ELP4: variants seen among roughly 807,000 people sequenced by gnomAD.
ELP4 encodes elongator acetyltransferase complex subunit 4.
In ELP4, 51 loss-of-function variants were observed where a neutral mutation model predicts 48.9. The observed-to-expected ratio is 1.04, with a 90% CI of 0.83 to 1.32. The LOEUF is 1.32. Among genes scored for constraint, ELP4 ranks in the 40% most tolerant of loss-of-function variants. The probability of loss-of-function intolerance (pLI) is 0.00; values close to 1 mark genes in which losing one functional copy is unlikely to be tolerated. For missense variants in ELP4, 519 were observed against 514.6 expected, an observed-to-expected ratio of 1.01 and a Z score of -0.08; for synonymous variants, 210 against 189.2, an observed-to-expected ratio of 1.11 and a Z score of -0.90.
At chr11:31,609,074 C>T (rs1396484875) in intron 5 of ELP4, among the ~76,000 whole-genome samples, 1 of 152,090 alleles carries the variant, frequency 6.6e-6, no homozygotes, top group Non-Finnish European at 1.5e-5. Context: ...ATCAGACTTC[C>T]AGTGACTGCT....
chr11:31,790,113 A>C lies in ELP4; in HGVS notation c.*6589A>C, dbSNP rs1374109228. ...ATAGGTTTACAAAAAAAAAAAAAAA[A>C]AAAAAAACTAATACTTTCTAACATT... is the stretch of plus-strand genomic sequence containing the variant. On this transcript the variant is annotated 3_prime_UTR_variant, in exon 10 of 10. Coordinates refer to ENST00000640961, the MANE Select transcript of ELP4 (RefSeq NM_019040.5). 1.3e-6 allele frequency: 1 copy of C among 793,464 alleles called. No homozygotes were observed. Among genetic ancestry groups the C allele is most frequent in the Non-Finnish European group, 2.0e-6 (1 of 488,602 alleles). 49.2% of individuals were successfully genotyped at this position (793,464 alleles called of 1,614,324 possible).
intron 5 of ELP4, among the ~76,000 whole-genome samples, chr11:31,624,641 A>G (rs1013623288): frequency 1.1e-4 from 17 of 151,790 alleles, no homozygotes; most frequent in African/African-American, 4.1e-4. Context: ...TCAATAAGAA[A>G]TTCACCTTAG....
At chr11:31,627,089 A>G in intron 5 of ELP4, 21 bp from the exon 6 acceptor site, 1 of 1,498,464 alleles carries the variant, frequency 6.7e-7, no homozygotes, top group Non-Finnish European at 9.3e-7. Context: ...TATGTATTTG[A>G]ACCACTTCTT....
chr11:31,647,020 G>A (rs1425133167), intron 7 of ELP4: 1 of 151,748 alleles, frequency 6.6e-6, no homozygotes, highest in Non-Finnish European at 1.5e-5. Context: ...GGCAAAATGT[G>A]ACATTTATTA....
chr11:31,591,720 T>G (rs1957580337), intron 3 of ELP4, among the ~76,000 whole-genome samples: 1 of 152,128 alleles, frequency 6.6e-6, no homozygotes, highest in Non-Finnish European at 1.5e-5. Flanking sequence ...TAGTTAAAAA[T>G]GGAATTATCC....
At chr11:31,700,772 G>C (rs1946504979) in intron 9 of ELP4, among the ~76,000 whole-genome samples, 1 of 152,140 alleles carries the variant, frequency 6.6e-6, no homozygotes, top group Admixed American at 6.6e-5. Flanking sequence ...TTCACCAAGA[G>C]GGCATGTTCT....
Position 31,603,877 on chromosome 11 carries a change from A to C in ELP4, c.623A>C (p.Lys208Thr), listed in dbSNP as rs1199445301. The C allele has an allele frequency of 5.0e-6, 8 of 1,611,744 alleles. No homozygotes were observed. In the Admixed American group the frequency reaches 1.2e-4, roughly 24 times the overall value. ...TGGCATGGATTTTTTCTTCCAGAGAAAATATCTTCAACTCTCAAAGTAGAA... is the reference window on the plus strand; with the variant it reads ...TGGCATGGATTTTTTCTTCCAGAGACAATATCTTCAACTCTCAAAGTAGAA... ...SNWHGFFLPE[K>T]ISSTLKVEPC... The change falls in exon 5 of 10, where the codon AAA (lysine) becomes ACA (threonine). Residue 208 changes from lysine to threonine, a missense_variant. Coordinates refer to ENST00000640961, the MANE Select transcript of ELP4 (RefSeq NM_019040.5).
At chr11:31,647,692 A>T in intron 7 of ELP4, 49 bp from the exon 8 acceptor site, 1 of 1,087,322 alleles carries the variant, frequency 9.2e-7, no homozygotes, top group Non-Finnish European at 1.4e-6. Flanking sequence ...TAGATATTAT[A>T]CTATTAACAT....
chr11:31,676,918 T>C (rs531920329), intron 9 of ELP4, among the ~76,000 whole-genome samples: 2 of 152,260 alleles, frequency 1.3e-5, no homozygotes, highest in South Asian at 2.1e-4. Context: ...ATTTACATCA[T>C]TTTTTAAAAC....
intron 9 of ELP4, among the ~76,000 whole-genome samples, chr11:31,771,848 GGCA>G (rs1335201534): frequency 1.1e-4 from 16 of 152,114 alleles, no homozygotes; most frequent in South Asian, 4.2e-4. Flanking sequence ...GCGTGGTGGC[GGCA>G]GGCACCTGTA....
intron 9 of ELP4, among the ~76,000 whole-genome samples, chr11:31,776,593 T>C (rs1948252933): frequency 6.6e-6 from 1 of 152,216 alleles, no homozygotes; most frequent in Non-Finnish European, 1.5e-5. Flanking sequence ...GACAAGTGAG[T>C]TCTTCTCAAT....
At chr11:31,772,315 A>T (rs1948163015) in intron 9 of ELP4, among the ~76,000 whole-genome samples, 1 of 151,976 alleles carries the variant, frequency 6.6e-6, no homozygotes, top group Non-Finnish European at 1.5e-5. Context: ...TTTGGTAGAG[A>T]CTGTGTTTCA....
At chr11:31,549,906 C>T (rs1047832867) in intron 3 of ELP4, among the ~76,000 whole-genome samples, 2 of 151,936 alleles carry the variant, frequency 1.3e-5, no homozygotes, top group African/African-American at 4.8e-5. Flanking sequence ...AAACACCACA[C>T]TTTATCACTC....
chr11:31,610,046 T>G (rs531366516), intron 5 of ELP4, among the ~76,000 whole-genome samples: 4 of 152,050 alleles, frequency 2.6e-5, no homozygotes, highest in African/African-American at 9.6e-5. Context: ...ACCGTTGTCT[T>G]AAAAAAACAG....
intron 3 of ELP4, among the ~76,000 whole-genome samples, chr11:31,575,176 A>G (rs980155137): frequency 5.3e-5 from 8 of 152,226 alleles, no homozygotes; most frequent in African/African-American, 1.9e-4. Context: ...GATCAAGTGA[A>G]AGAAAGGGTA....
chr11:31,619,211 A>G (rs1423554268), intron 5 of ELP4, among the ~76,000 whole-genome samples: 2 of 151,834 alleles, frequency 1.3e-5, no homozygotes, highest in Non-Finnish European at 2.9e-5. Flanking sequence ...AATGAAGGAG[A>G]GAGGAGAGAA....
At chr11:31,601,748 A>G (rs1481996382) in intron 4 of ELP4, among the ~76,000 whole-genome samples, 1 of 152,082 alleles carries the variant, frequency 6.6e-6, no homozygotes, top group Non-Finnish European at 1.5e-5. Context: ...CTCTCTCCCC[A>G]TGGCCAGTCT....
chr11:31,570,713 A>T (rs1404537514), intron 3 of ELP4, among the ~76,000 whole-genome samples: 1 of 147,170 alleles, frequency 6.8e-6, no homozygotes, highest in Non-Finnish European at 1.5e-5. Context: ...ACCTCAAGCA[A>T]GTGATCCACT....
chr11:31,742,652 G>A (rs973342945), intron 9 of ELP4, among the ~76,000 whole-genome samples: 6 of 152,270 alleles, frequency 3.9e-5, no homozygotes, highest in Non-Finnish European at 8.8e-5. Context: ...GCTAAACTAA[G>A]CTTCATAAGT....
Sources: allele counts gnomAD v4.1 joint callset (sites outside exome capture counted in the v4.1 genomes callset), GRCh38; gene constraint gnomAD v4.1.1; transcripts MANE v1.5; gene names NCBI Gene and HGNC (gene_info 2026-07-23, HGNC 2026-07-21).